Variants in DSCAML1 observed in about 807,000 individuals in gnomAD.
The protein encoded by DSCAML1 is cell adhesion molecule DSCAML1.
A neutral mutation model predicts 200.5 loss-of-function variants in DSCAML1; 38 were observed. The ratio of observed to expected loss-of-function variants is 0.19; its 90% CI spans 0.15 to 0.25. DSCAML1 has a LOEUF of 0.25. DSCAML1 is among the 10% of genes least tolerant of loss of function. DSCAML1 has a pLI of 1.00. For missense variants in DSCAML1, 2,223 were observed against 2,858.8 expected (o/e 0.78, Z 5.07); for synonymous variants, 1,215 against 1,165.0 (o/e 1.04, Z -0.87).
At position 117,538,618 on chromosome 11, in the gene DSCAML1, A is replaced by G. The variant is rs1046544352; in HGVS notation, c.512-6096T>C. Among the ~76,000 whole-genome samples, 4 of 152,300 alleles carry G rather than the reference A, an allele frequency of 2.6e-5. No homozygotes were observed. The East Asian group carries it at 5.8e-4, about 22-fold the overall frequency. On this transcript the variant is annotated intron_variant, in intron 3 of 32. Transcript: ENST00000651296. Reference sequence around the variant, plus strand: ...CTTTTCTGTCTTTTTCTAAAAGGTCAGAGAGCTGGGCTTTCGAGACTCCCT... The same window carrying G: ...CTTTTCTGTCTTTTTCTAAAAGGTCGGAGAGCTGGGCTTTCGAGACTCCCT...
chr11:117,797,389 C>A, upstream of DSCAML1: 1 of 787,812 alleles, frequency 1.3e-6, no homozygotes, highest in Non-Finnish European at 1.8e-6. Context: ...GCGGCCCGGG[C>A]CAGACCGCCC....
rs2049334500 is a variant in DSCAML1, at chr11:117,498,434, TGTG to T, written c.2359+5408_2359+5410del. On this transcript the variant is annotated intron_variant, in intron 11 of 32. Transcript: ENST00000651296. The surrounding 1 kb of genome is among the most constrained non-coding windows in gnomAD (Gnocchi z 4.0). ...CAGGGAATTCCCTGGGTACCTGGACTGTGGTCTAGAAAGGGATTTGTGGGCTCT... is the reference window on the plus strand; with the variant it reads ...CAGGGAATTCCCTGGGTACCTGGACTGTCTAGAAAGGGATTTGTGGGCTCT... Among the ~76,000 whole-genome samples, 1 of 152,174 alleles carries T rather than the reference TGTG, an allele frequency of 6.6e-6. No homozygotes were observed. The highest frequency in any genetic ancestry group is 2.1e-4 in the South Asian group (1 of 4,830).
intron 3 of DSCAML1, among the ~76,000 whole-genome samples, chr11:117,593,677 C>T (rs1463149060): frequency 6.6e-6 from 1 of 151,366 alleles, no homozygotes; most frequent in Non-Finnish European, 1.5e-5. Flanking sequence ...TCCCTCTTTC[C>T]TTGAACCATA....
chr11:117,780,304 G>GAAAGAAAGAAAGAAAAAGAA lies in DSCAML1; in HGVS notation c.364+188_364+189insTTCTTTTTCTTTCTTTCTTT, dbSNP rs71037499. Among the ~76,000 whole-genome samples, 13 of 98,440 alleles carry GAAAGAAAGAAAGAAAAAGAA rather than the reference G, an allele frequency of 1.3e-4. No individual in the cohort carries two copies. The East Asian group carries it at 2.0e-3, about 15-fold the overall frequency. 64.6% of individuals were successfully genotyped at this position (98,440 alleles called of 152,430 possible). A position where few individuals can be genotyped will look rare whatever the true frequency, so the allele number is the denominator to read the frequency against. On this transcript the variant is annotated intron_variant, in intron 2 of 32. Transcript: ENST00000651296. This position sits in a 1 kb window ranked among gnomAD's most constrained non-coding sequence, Gnocchi z 4.8. ...AGAAAGAAAGAAAGAAAGAAAGAAA[G>GAAAGAAAGAAAGAAAAAGAA]AGAGAAAGGAGAAAGAAAGGTGTCT...
intron 3 of DSCAML1, among the ~76,000 whole-genome samples, chr11:117,683,798 T>A (rs1226669092): frequency 6.6e-6 from 1 of 152,184 alleles, no homozygotes. Context: ...GTGAGCAGTG[T>A]CCTTAAAACT....
chr11:117,472,066 G>A, intron 14 of DSCAML1, 30 bp from the exon 15 acceptor site: 5 of 1,610,202 alleles, frequency 3.1e-6, no homozygotes, highest in Non-Finnish European at 4.2e-6. Flanking sequence ...GTCAAAGCAT[G>A]GCCAGGCAAA....
intron 3 of DSCAML1, among the ~76,000 whole-genome samples, chr11:117,742,299 C>T (rs1157746574): frequency 3.0e-4 from 45 of 152,126 alleles, no homozygotes; most frequent in Non-Finnish European, 4.4e-5. Context: ...TGAGGTCAAA[C>T]CCAGAGCTCC....
At position 117,631,366 on chromosome 11, in the gene DSCAML1, G is replaced by A. The variant is rs540863333; in HGVS notation, c.512-98844C>T. 1.2e-4 allele frequency among the ~76,000 whole-genome samples: 18 copies of A among 152,330 alleles called. 1 individual carries two copies. The highest frequency in any genetic ancestry group is 7.3e-5 in the Non-Finnish European group (5 of 68,030). ...AGAGGGAGAGAGGGAGGCCCACCAG[G>A]GTTCCTGGCTACATCCACTATTCCC... On this transcript the variant is annotated intron_variant, in intron 3 of 32. Coordinates refer to ENST00000651296, the MANE Select transcript of DSCAML1 (RefSeq NM_020693.4).
At chr11:117,470,391 G>T (rs372074371) in intron 15 of DSCAML1, among the ~76,000 whole-genome samples, 95 of 152,144 alleles carry the variant, frequency 6.2e-4, no homozygotes, top group South Asian at 5.8e-3. Context: ...CTGGCTAACA[G>T]GGTGAAACCC....
At chr11:117,810,791 T>A (rs916143082) in intron 1 of DSCAML1, among the ~76,000 whole-genome samples, 15 of 152,168 alleles carry the variant, frequency 9.9e-5, no homozygotes, top group African/African-American at 3.4e-4. Flanking sequence ...TGATCTGAGG[T>A]GCCTGACGTC....
chr11:117,691,383 GAC>G (rs1180398293), intron 3 of DSCAML1, among the ~76,000 whole-genome samples: 1 of 152,114 alleles, frequency 6.6e-6, no homozygotes, highest in Non-Finnish European at 1.5e-5. Context: ...CACTCCCACT[GAC>G]TCAACCCAAT....
At chr11:117,796,272 C>A (rs1404398543) in intron 1 of DSCAML1, among the ~76,000 whole-genome samples, 1 of 152,264 alleles carries the variant, frequency 6.6e-6, no homozygotes, top group South Asian at 2.1e-4. Context: ...GGACACGCCC[C>A]CCAGCCTGAA....
intron 3 of DSCAML1, among the ~76,000 whole-genome samples, chr11:117,734,010 C>A (rs2054274231): frequency 6.6e-6 from 1 of 151,894 alleles, no homozygotes; most frequent in African/African-American, 2.4e-5. Flanking sequence ...GGCCTCAAAT[C>A]TCAGGGACCA....
intron 3 of DSCAML1, among the ~76,000 whole-genome samples, chr11:117,570,444 A>C (rs574467917): frequency 1.3e-5 from 2 of 152,196 alleles, no homozygotes; most frequent in East Asian, 3.9e-4. Context: ...AAGTTCTCTT[A>C]TTTACTTGCA....
chr11:117,543,385 T>TCTGTGCTGGCATGTTGTGTAC lies in DSCAML1; in HGVS notation c.512-10884_512-10864dup, dbSNP rs1565778063. ...TGTACCTGCACTGGCATGTTGTGTA[T>TCTGTGCTGGCATGTTGTGTAC]CTGTGCTGGCATGTTGTGTACCTGT... On this transcript the variant is annotated intron_variant, in intron 3 of 32. Transcript: ENST00000651296. Among the ~76,000 whole-genome samples the TCTGTGCTGGCATGTTGTGTAC allele has an allele frequency of 2.0e-5, 3 of 151,034 alleles. No individual in the cohort carries two copies. In the Admixed American group the frequency reaches 2.0e-4, roughly 10 times the overall value.
At chr11:117,768,636 T>C (rs772683681) in intron 3 of DSCAML1, among the ~76,000 whole-genome samples, 2 of 152,230 alleles carry the variant, frequency 1.3e-5, no homozygotes, top group Non-Finnish European at 2.9e-5. Flanking sequence ...ATCTAAGAAT[T>C]TGAGTCTCCT....
chr11:117,691,391 C>G (rs1284783058), intron 3 of DSCAML1, among the ~76,000 whole-genome samples: 1 of 152,160 alleles, frequency 6.6e-6, no homozygotes, highest in African/African-American at 2.4e-5. Flanking sequence ...CTGACTCAAC[C>G]CAATTTTGCA....
intron 3 of DSCAML1, among the ~76,000 whole-genome samples, chr11:117,775,106 T>C (rs2055107572): frequency 6.6e-6 from 1 of 152,210 alleles, no homozygotes; most frequent in Admixed American, 6.5e-5. Context: ...CAGGAGATTG[T>C]CCCCAACATT....
At chr11:117,438,659 G>C (rs751605998) in intron 24 of DSCAML1, among the ~76,000 whole-genome samples, 6 of 152,194 alleles carry the variant, frequency 3.9e-5, no homozygotes, top group African/African-American at 7.2e-5. Flanking sequence ...GCCTACTCCA[G>C]GGTCACACAG....
Sources: gnomAD v4.1 joint callset for allele counts (sites outside exome capture counted in the v4.1 genomes callset) on GRCh38, gnomAD v4.1.1 for gene constraint, Gnocchi (gnomAD v3.1) non-coding constraint, MANE v1.5 for transcripts, NCBI Gene and HGNC (gene_info 2026-07-23, HGNC 2026-07-21) for gene names.